PPP2R2B: variants seen among roughly 807,000 people sequenced by gnomAD.
PPP2R2B encodes the protein protein phosphatase 2 regulatory subunit Bbeta.
PPP2R2B carries 5 observed loss-of-function variants against 46.0 expected under a neutral mutation model. The ratio of observed to expected loss-of-function variants is 0.11; its 90% CI spans 0.06 to 0.23. The LOEUF (loss-of-function observed/expected upper bound fraction) is 0.23, where lower values mean the gene tolerates loss of function less well. Ranked by LOEUF, PPP2R2B falls within the 10% of genes least tolerant of loss-of-function variation. The probability of loss-of-function intolerance (pLI) is 1.00; values close to 1 mark genes in which losing one functional copy is unlikely to be tolerated. For synonymous variants in PPP2R2B, 215 were observed against 206.7 expected (o/e 1.04, Z -0.34); for missense variants, 367 against 575.0 (o/e 0.64, Z 3.70).
At chr5:146,944,484 C>A (rs989435774) in intron 1 of PPP2R2B, among the ~76,000 whole-genome samples, 1 of 152,146 alleles carries the variant, frequency 6.6e-6, no homozygotes. Context: ...GCATTCTTAG[C>A]CTTTCCACAT....
chr5:146,741,707 G>A (rs1480454399), intron 2 of PPP2R2B, among the ~76,000 whole-genome samples: 1 of 152,134 alleles, frequency 6.6e-6, no homozygotes, highest in Non-Finnish European at 1.5e-5. Flanking sequence ...GCCTGTGCTG[G>A]GAGGCCAGAT....
intron 2 of PPP2R2B, among the ~76,000 whole-genome samples, chr5:146,857,739 G>C (rs1321132192): frequency 6.6e-6 from 1 of 151,178 alleles, no homozygotes; most frequent in East Asian, 1.9e-4. Context: ...CCAGGCTGGA[G>C]TGCAATGGCA....
At chr5:146,993,162 C>T (rs950425194) in intron 1 of PPP2R2B, among the ~76,000 whole-genome samples, 1 of 152,026 alleles carries the variant, frequency 6.6e-6, no homozygotes, top group Non-Finnish European at 1.5e-5. Flanking sequence ...AGGCTGGTCT[C>T]AAACTCGTAA....
intron 2 of PPP2R2B, among the ~76,000 whole-genome samples, chr5:146,730,697 A>C (rs555848771): frequency 2.0e-5 from 3 of 152,304 alleles, no homozygotes; most frequent in Admixed American, 2.0e-4. Flanking sequence ...TCTTGCCGCC[A>C]CCATGTAAGA....
At chr5:146,813,950 C>T (rs1757779502) in intron 2 of PPP2R2B, among the ~76,000 whole-genome samples, 1 of 152,100 alleles carries the variant, frequency 6.6e-6, no homozygotes, top group Admixed American at 6.6e-5. Context: ...AGAGACAACA[C>T]CACACTCAGG....
At chr5:146,886,240 G>A (rs1270292947) in intron 1 of PPP2R2B, among the ~76,000 whole-genome samples, 16 of 152,038 alleles carry the variant, frequency 1.1e-4, no homozygotes, top group Non-Finnish European at 1.5e-5. Context: ...TCGGGAAGCT[G>A]AGGCAGGAGA....
At chr5:146,943,884 G>A (rs905659873) in intron 1 of PPP2R2B, among the ~76,000 whole-genome samples, 16 of 152,130 alleles carry the variant, frequency 1.1e-4, no homozygotes, top group Non-Finnish European at 2.2e-4. Flanking sequence ...CCCAAAATAC[G>A]CCCTTCTTCA....
chr5:147,038,254 T>C (rs900645841), intron 1 of PPP2R2B, among the ~76,000 whole-genome samples: 2 of 152,128 alleles, frequency 1.3e-5, no homozygotes, highest in Non-Finnish European at 2.9e-5. Flanking sequence ...TACATTCTTA[T>C]AAGTTAAGCA....
At chr5:146,652,983 A>G (rs1213127274) in intron 5 of PPP2R2B, among the ~76,000 whole-genome samples, 1 of 150,002 alleles carries the variant, frequency 6.7e-6, no homozygotes, top group Non-Finnish European at 1.5e-5. Flanking sequence ...TGCGATGGAT[A>G]AAAAAGTGAC....
intron 7 of PPP2R2B, among the ~76,000 whole-genome samples, chr5:146,636,512 G>T (rs1179661125): frequency 1.3e-5 from 2 of 152,328 alleles, no homozygotes; most frequent in East Asian, 3.9e-4. Flanking sequence ...CCAGGCATGG[G>T]CTGTTTTGCC....
intron 1 of PPP2R2B, among the ~76,000 whole-genome samples, chr5:146,897,185 C>T (rs1285927712): frequency 2.0e-5 from 3 of 152,108 alleles, no homozygotes; most frequent in Non-Finnish European, 4.4e-5. Context: ...ATTGAGGGCA[C>T]AGCCAAGGAG....
At chr5:147,016,866 T>C (rs1755032006) in intron 1 of PPP2R2B, among the ~76,000 whole-genome samples, 1 of 151,656 alleles carries the variant, frequency 6.6e-6, no homozygotes, top group Non-Finnish European at 1.5e-5. Flanking sequence ...TCACAGCTTC[T>C]ATTCCAGAGC....
chr5:146,620,843 C>A (rs143486421), intron 7 of PPP2R2B, among the ~76,000 whole-genome samples: 251 of 152,326 alleles, frequency 1.6e-3, no homozygotes, highest in Middle Eastern at 6.8e-3. Context: ...CCCTGGGGAG[C>A]CTCTGCCCAG....
chr5:147,026,389 A>G (rs1755528496), intron 1 of PPP2R2B, among the ~76,000 whole-genome samples: 1 of 152,148 alleles, frequency 6.6e-6, no homozygotes, highest in African/African-American at 2.4e-5. Flanking sequence ...ATGAGTTTAT[A>G]TATATAAAAT....
chr5:146,779,934 C>T (rs188128774), intron 2 of PPP2R2B, among the ~76,000 whole-genome samples: 10 of 152,118 alleles, frequency 6.6e-5, no homozygotes, highest in East Asian at 1.9e-4. Context: ...ATATAGGGGA[C>T]GAATTTTGGT....
rs183464544 is a variant in PPP2R2B at position 146,759,390 on chromosome 5, A to G, written c.71-58248T>C. Among the ~76,000 whole-genome samples the G allele has an allele frequency of 2.4e-3, 362 of 152,316 alleles. 1 individual carries two copies. The highest frequency in any genetic ancestry group is 8.1e-3 in the African/African-American group (336 of 41,572). On this transcript the variant is annotated intron_variant, in intron 2 of 9. Coordinates refer to ENST00000394411, the MANE Select transcript of PPP2R2B (RefSeq NM_181675.4). The stretch of plus-strand genomic sequence containing the variant: ...TGCAAACATTAATTAAGCCAACCTC[A>G]TAACACTCAGGGAAAAAGGAATTAT...
intron 5 of PPP2R2B, among the ~76,000 whole-genome samples, chr5:146,690,549 C>CAT (rs1778785532): frequency 1.3e-5 from 2 of 152,168 alleles, no homozygotes; most frequent in African/African-American, 4.8e-5. Flanking sequence ...GAGTAGAGAT[C>CAT]ATATATTGAG....
chr5:146,735,225 A>G (rs1752466025), intron 2 of PPP2R2B, among the ~76,000 whole-genome samples: 1 of 152,186 alleles, frequency 6.6e-6, no homozygotes, highest in African/African-American at 2.4e-5. Context: ...ATGAAGCAGG[A>G]TTTAGATCAT....
chr5:146,709,049 T>C (rs1268812178), intron 2 of PPP2R2B, among the ~76,000 whole-genome samples: 1 of 152,262 alleles, frequency 6.6e-6, no homozygotes, highest in Non-Finnish European at 1.5e-5. Flanking sequence ...CTGTGTGTAA[T>C]ACGTTCTGTT....
Sources: gnomAD v4.1 joint callset for allele counts (sites outside exome capture counted in the v4.1 genomes callset) on GRCh38, gnomAD v4.1.1 for gene constraint, MANE v1.5 for transcripts, NCBI Gene and HGNC (gene_info 2026-07-23, HGNC 2026-07-21) for gene names.